The following SEZ6 variants were observed in gnomAD, a reference collection of about 807,000 sequenced individuals.
SEZ6 encodes seizure related 6 homolog.
In SEZ6, 53 loss-of-function variants were observed where a neutral mutation model predicts 101.0. The observed-to-expected ratio is 0.52, with a 90% CI of 0.42 to 0.66. SEZ6 has a LOEUF of 0.66. Ranked by LOEUF, SEZ6 falls within the 30% of genes least tolerant of loss-of-function variation. The pLI is 0.00. For synonymous variants in SEZ6, 488 were observed against 512.2 expected, an observed-to-expected ratio of 0.95 and a Z score of 0.64; for missense variants, 1,102 against 1,289.4, an observed-to-expected ratio of 0.85 and a Z score of 2.23.
intron 1 of SEZ6, among the ~76,000 whole-genome samples, chr17:28,993,504 G>A (rs1249239761): frequency 1.3e-5 from 2 of 152,196 alleles, no homozygotes; most frequent in East Asian, 3.8e-4. Context: ...AATCTTGGAG[G>A]TGTCAGCTGG....
chr17:28,970,927 T>C (rs1404747361), intron 3 of SEZ6, among the ~76,000 whole-genome samples: 2 of 152,212 alleles, frequency 1.3e-5, no homozygotes, highest in East Asian at 3.8e-4. Flanking sequence ...TGATTCTCTC[T>C]TTTTTCTGAG....
At chr17:29,000,115 G>A (rs369239896) in intron 1 of SEZ6, among the ~76,000 whole-genome samples, 5 of 152,324 alleles carry the variant, frequency 3.3e-5, no homozygotes, top group East Asian at 3.9e-4. Context: ...AAAGCACTTC[G>A]TACAGCGCCT....
At chr17:29,003,952 A>G (rs1223900960) in intron 1 of SEZ6, among the ~76,000 whole-genome samples, 1 of 152,004 alleles carries the variant, frequency 6.6e-6, no homozygotes, top group Non-Finnish European at 1.5e-5. Flanking sequence ...TAACACTCAC[A>G]CCCACATCCC....
At chr17:28,995,386 T>C (rs1267037633) in intron 1 of SEZ6, among the ~76,000 whole-genome samples, 4 of 151,974 alleles carry the variant, frequency 2.6e-5, no homozygotes, top group African/African-American at 9.7e-5. Flanking sequence ...GAGTCAGGGA[T>C]GGAGGTGTGA....
At chr17:28,960,247 C>T in intron 7 of SEZ6, 2 of 595,168 alleles carry the variant, frequency 3.4e-6, no homozygotes, top group Non-Finnish European at 5.9e-6. Context: ...GCCTTTTTTG[C>T]TTTTCAAAAT....
intron 4 of SEZ6, 41 bp from the exon 5 acceptor site, chr17:28,964,188 G>C: frequency 1.3e-6 from 2 of 1,501,582 alleles, no homozygotes; most frequent in Non-Finnish European, 1.8e-6. Flanking sequence ...TGTGTGCAGG[G>C]TGGGGGCGGG....
At chr17:29,001,524 A>G (rs1456393981) in intron 1 of SEZ6, among the ~76,000 whole-genome samples, 1 of 152,232 alleles carries the variant, frequency 6.6e-6, no homozygotes, top group Non-Finnish European at 1.5e-5. Context: ...AATTACAGGA[A>G]GTGTCAGCTA....
At chr17:28,963,007 C>T (rs1000510977) in intron 5 of SEZ6, among the ~76,000 whole-genome samples, 8 of 151,920 alleles carry the variant, frequency 5.3e-5, no homozygotes, top group Non-Finnish European at 1.2e-4. Context: ...GCCTGTAGTC[C>T]CAGCTACTCG....
At position 28,959,234 on chromosome 17, in the gene SEZ6, A is replaced by G. The variant is rs913456394; in HGVS notation, c.1911-13T>C. On this transcript the variant is annotated splice_polypyrimidine_tract_variant and intron_variant, in intron 9 of 16. Coordinates refer to ENST00000317338, the MANE Select transcript of SEZ6 (RefSeq NM_178860.5). This position sits in a 1 kb window ranked among gnomAD's most constrained non-coding sequence, Gnocchi z 4.4. ...GCCTATGCGCAGCCTGTGAAGGAGG[A>G]GCGTCAGGGCAGAGCCGGCCTGGGG... 1.2e-6 allele frequency: 2 copies of G among 1,612,154 alleles called. No homozygotes were observed. The highest frequency in any genetic ancestry group is 1.7e-6 in the Non-Finnish European group (2 of 1,178,802).
intron 7 of SEZ6, 51 bp downstream of exon 7, chr17:28,960,454 G>C (rs144984562): frequency 3.9e-6 from 6 of 1,555,398 alleles, no homozygotes; most frequent in Non-Finnish European, 5.2e-6. Context: ...CCCTAGGCCC[G>C]AGCCCATCCC....
In SEZ6 at chr17:28,957,686, T is replaced by C. The variant is rs1446051643; in HGVS notation, c.2303-147A>G. 15 of 951,874 alleles carry C rather than the reference T, an allele frequency of 1.6e-5. No individual in the cohort carries two copies. In the East Asian group the frequency reaches 4.0e-4, roughly 25 times the overall value. The allele number at this position is 951,874 out of a possible 1,614,324, so 59.0% of individuals were successfully genotyped here. ...CTGTCCCTACCATTATGCTAGTGTG[T>C]CCCCCCATTTGTCCCCTTCCCATCT... On this transcript the variant is annotated intron_variant, in intron 11 of 16. Coordinates refer to ENST00000317338, the MANE Select transcript of SEZ6 (RefSeq NM_178860.5).
upstream of SEZ6, chr17:29,006,411 G>A (rs946484641): frequency 6.6e-6 from 1 of 152,428 alleles, no homozygotes; most frequent in Non-Finnish European, 1.5e-5. Context: ...AGCTGGTGAG[G>A]CCCGCGTGCC....
Position 29,005,809 on chromosome 17 carries a change from C to G in SEZ6, c.55+6G>C. ...CGTCCTGCCGCCGGATGCCGGGGTC[C>G]CTTACCGTGAGCCAGGAGCGCCAGC... is the stretch of plus-strand genomic sequence containing the variant. On this transcript the variant is annotated splice_donor_region_variant and intron_variant, in intron 1 of 16. Transcript: ENST00000317338. The surrounding 1 kb of genome is among the most constrained non-coding windows in gnomAD (Gnocchi z 4.8). 6.7e-7 allele frequency: 1 copy of G among 1,486,112 alleles called. No homozygotes were observed. Among genetic ancestry groups the G allele is most frequent in the Non-Finnish European group, 8.9e-7 (1 of 1,118,332 alleles). The allele number at this position is 1,486,112 out of a possible 1,614,324, so 92.1% of individuals were successfully genotyped here.
Position 28,957,210 on chromosome 17 carries a change from C to T in SEZ6, c.2527G>A (p.Ala843Thr). ...EQLKPCHGLS[A>T]PENGARSPEK... ...GGACTTCGGGCACCATTCTCAGGGGCACTGAGACCATGGCATGGCTTGAGC... is the reference window on the plus strand; with the variant it reads ...GGACTTCGGGCACCATTCTCAGGGGTACTGAGACCATGGCATGGCTTGAGC... Residue 843 changes from alanine (A) to threonine (T), a missense_variant, in exon 13 of 17, where the codon GCC (alanine) becomes ACC (threonine). By Grantham distance (58) the Ala-to-Thr change is moderately conservative. Coordinates refer to ENST00000317338, the MANE Select transcript of SEZ6 (RefSeq NM_178860.5). The T allele has an allele frequency of 6.2e-7, 1 of 1,614,016 alleles. No homozygotes were observed. The highest frequency in any genetic ancestry group is 8.5e-7 in the Non-Finnish European group (1 of 1,179,886).
chr17:28,988,503 TGCCAGGAGAAGATGGGCA>T (rs1435857650), intron 1 of SEZ6, among the ~76,000 whole-genome samples: 5 of 152,180 alleles, frequency 3.3e-5, no homozygotes, highest in African/African-American at 7.2e-5. Flanking sequence ...GAGTGGGTCC[TGCCAGGAGAAGATGGGCA>T]GCCAGCCCTT....
chr17:29,000,969 A>G lies in SEZ6; in HGVS notation c.55+4846T>C, dbSNP rs76927263. On this transcript the variant is annotated intron_variant, in intron 1 of 16. Transcript: ENST00000317338. ...TGGGGACACAAGCAGTGGTGGCACT[A>G]AGGGGTGACTGGGGAGAGGCTTTAG... is the stretch of plus-strand genomic sequence containing the variant. Among the ~76,000 whole-genome samples the G allele has an allele frequency of 6.9e-4, 105 of 152,250 alleles. 1 individual carries two copies. In the East Asian group the frequency reaches 0.018, roughly 26 times the overall value.
At chr17:28,956,671 A>G in intron 14 of SEZ6, 48 bp downstream of exon 14, 1 of 1,552,582 alleles carries the variant, frequency 6.4e-7, no homozygotes, top group Non-Finnish European at 8.7e-7. Context: ...AGCCGTGAGA[A>G]CCAGGACCAG....
At chr17:28,994,781 A>G (rs1220900340) in intron 1 of SEZ6, among the ~76,000 whole-genome samples, 1 of 151,596 alleles carries the variant, frequency 6.6e-6, no homozygotes, top group African/African-American at 2.4e-5. Context: ...TCGGTGCTCA[A>G]CCCTGGGGGC....
intron 10 of SEZ6, 29 bp downstream of exon 10, chr17:28,958,996 C>A: frequency 6.3e-7 from 1 of 1,586,644 alleles, no homozygotes; most frequent in Non-Finnish European, 8.6e-7. Flanking sequence ...TTGCTGTCTG[C>A]ACTCTGAGTG....
Sources: allele counts gnomAD v4.1 joint callset (sites outside exome capture counted in the v4.1 genomes callset), GRCh38; gene constraint gnomAD v4.1.1; non-coding constraint Gnocchi (gnomAD v3.1); transcripts MANE v1.5; gene names NCBI Gene and HGNC (gene_info 2026-07-23, HGNC 2026-07-21).